The following LRRC38 variants were observed in gnomAD, a reference collection of about 807,000 sequenced individuals.
LRRC38 encodes the protein leucine-rich repeat-containing protein 38.
Under a neutral mutation model 16.4 loss-of-function variants are expected in LRRC38, and 5 were observed. That is an observed-to-expected ratio of 0.31 (90% CI 0.16 to 0.64). The LOEUF (loss-of-function observed/expected upper bound fraction) is 0.64, where lower values mean the gene tolerates loss of function less well. Ranked by LOEUF, LRRC38 falls within the 30% of genes least tolerant of loss-of-function variation. The pLI is 0.80. For synonymous variants in LRRC38, 191 were observed against 190.2 expected (o/e 1.00, Z -0.04); for missense variants, 341 against 401.8 (o/e 0.85, Z 1.29).
At chr1:13,482,579 C>G (rs574109666) in intron 1 of LRRC38, among the ~76,000 whole-genome samples, 2 of 108,152 alleles carry the variant, frequency 1.8e-5, no homozygotes, top group Non-Finnish European at 3.7e-5. Flanking sequence ...GACTCCATCT[C>G]GGAAAAAAAA....
intron 1 of LRRC38, among the ~76,000 whole-genome samples, chr1:13,493,292 G>A (rs1040557640): frequency 1.3e-5 from 2 of 152,104 alleles, no homozygotes; most frequent in Non-Finnish European, 2.9e-5. Context: ...CTGTCACCAG[G>A]GCCAGGGTTG....
chr1:13,508,769 G>A (rs368378038), intron 1 of LRRC38, among the ~76,000 whole-genome samples: 1 of 152,134 alleles, frequency 6.6e-6, no homozygotes. Context: ...TCAGGCAAGC[G>A]CCGGGTTTGT....
At chr1:13,481,762 C>CTCTCT (rs1557431814) in intron 1 of LRRC38, among the ~76,000 whole-genome samples, 1 of 50,810 alleles carries the variant, frequency 2.0e-5, no homozygotes. Flanking sequence ...ACTTTCTTTC[C>CTCTCT]CTCTCTCTCC....
At chr1:13,509,394 T>C (rs1639249723) in intron 1 of LRRC38, among the ~76,000 whole-genome samples, 1 of 152,016 alleles carries the variant, frequency 6.6e-6, no homozygotes, top group Non-Finnish European at 1.5e-5. Context: ...TGTCAGATGC[T>C]CTGTGCCCCT....
Position 13,513,053 on chromosome 1 carries a change from G to C in LRRC38, c.541C>G (p.Leu181Val). 6.5e-7 allele frequency: 1 copy of C among 1,550,166 alleles called. No homozygotes were observed. The highest frequency in any genetic ancestry group is 1.2e-5 in the South Asian group (1 of 84,006). Residue 181 changes from leucine to valine, a missense_variant, in exon 1 of 2, where the codon CTG (leucine) becomes GTG (valine). Transcript: ENST00000376085. ...AGCCAGGGGTTCCCGTCCAGACGCA[G>C]GGAGCGCAGCGCGGGCAGCGCGGCC... Reference protein sequence around the residue: ...ALAALPALRSLRLDGNPWLCD... With the variant: ...ALAALPALRSVRLDGNPWLCD...
Position 13,487,727 on chromosome 1 carries a change from C to A in LRRC38, c.632-11628G>T, listed in dbSNP as rs892692283. 2.0e-5 allele frequency among the ~76,000 whole-genome samples: 3 copies of A among 152,164 alleles called. No individual in the cohort carries two copies. Among genetic ancestry groups the A allele is most frequent in the Admixed American group, 1.3e-4 (2 of 15,266 alleles). On this transcript the variant is annotated intron_variant, in intron 1 of 1. Coordinates refer to ENST00000376085, the MANE Select transcript of LRRC38 (RefSeq NM_001010847.2). This position sits in a 1 kb window ranked among gnomAD's most constrained non-coding sequence, Gnocchi z 4.4. ...GCCATTCTCCAGAAATAGACAGTGA[C>A]ACAGCGGATGTTAGATTGAGATTAA...
At chr1:13,512,574 C>G (rs939007949) in intron 1 of LRRC38, among the ~76,000 whole-genome samples, 1 of 152,070 alleles carries the variant, frequency 6.6e-6, no homozygotes, top group African/African-American at 2.4e-5. Flanking sequence ...ACTCCCCGTG[C>G]ACGGTACTGA....
chr1:13,478,581 T>A (rs189297645), intron 1 of LRRC38, among the ~76,000 whole-genome samples: 12 of 152,314 alleles, frequency 7.9e-5, no homozygotes, highest in Admixed American at 7.8e-4. Context: ...TTCCTTCAAC[T>A]CTCAGGAAAA....
At chr1:13,499,012 G>A (rs1251525704) in intron 1 of LRRC38, among the ~76,000 whole-genome samples, 1 of 152,138 alleles carries the variant, frequency 6.6e-6, no homozygotes, top group Non-Finnish European at 1.5e-5. Context: ...CCCGGTGTGC[G>A]TGTCTGTCCA....
intron 1 of LRRC38, among the ~76,000 whole-genome samples, chr1:13,485,547 G>A (rs532365523): frequency 2.6e-5 from 4 of 151,850 alleles, no homozygotes; most frequent in East Asian, 1.9e-4. Flanking sequence ...CAGCCTGGGC[G>A]AGAGCGAGAC....
At chr1:13,478,705 G>A (rs1040390517) in intron 1 of LRRC38, among the ~76,000 whole-genome samples, 1 of 152,136 alleles carries the variant, frequency 6.6e-6, no homozygotes, top group African/African-American at 2.4e-5. Context: ...TAATTAGCAG[G>A]CTTCTGTCCT....
chr1:13,499,349 C>T (rs1639120305), intron 1 of LRRC38, among the ~76,000 whole-genome samples: 1 of 152,152 alleles, frequency 6.6e-6, no homozygotes, highest in African/African-American at 2.4e-5. Context: ...TCCACCCGCC[C>T]CGGCCTCCCA....
intron 1 of LRRC38, among the ~76,000 whole-genome samples, chr1:13,503,662 C>G (rs982565907): frequency 1.7e-4 from 26 of 152,206 alleles, no homozygotes; most frequent in Non-Finnish European, 3.7e-4. Flanking sequence ...CATCTGGGGT[C>G]TCATTCCTGC....
Position 13,475,553 on chromosome 1 carries a change from A to T in LRRC38, c.*293T>A. ...TTCCTGGGGGAGGCTTTTAGTCATC[A>T]GCTATGAAGCCTGACTCGGTCATCT... On this transcript the variant is annotated 3_prime_UTR_variant, in exon 2 of 2. Coordinates refer to ENST00000376085, the MANE Select transcript of LRRC38 (RefSeq NM_001010847.2). This position sits in a 1 kb window ranked among gnomAD's most constrained non-coding sequence, Gnocchi z 4.3. The T allele has an allele frequency of 5.8e-6, 2 of 344,894 alleles. No homozygotes were observed. Among genetic ancestry groups the T allele is most frequent in the Non-Finnish European group, 1.1e-5 (2 of 185,862 alleles). The allele number at this position is 344,894 out of a possible 1,614,324, so 21.4% of individuals were successfully genotyped here.
chr1:13,509,612 G>A (rs946147063), intron 1 of LRRC38, among the ~76,000 whole-genome samples: 3 of 152,170 alleles, frequency 2.0e-5, no homozygotes, highest in Non-Finnish European at 4.4e-5. Context: ...CTAATGCCCA[G>A]AGACTACAGC....
intron 1 of LRRC38, among the ~76,000 whole-genome samples, chr1:13,479,395 C>T (rs917001718): frequency 6.6e-6 from 1 of 152,144 alleles, no homozygotes; most frequent in Non-Finnish European, 1.5e-5. Flanking sequence ...CTTCAGGAAG[C>T]GGTATCAACC....
chr1:13,485,316 G>A (rs1638918456), intron 1 of LRRC38, among the ~76,000 whole-genome samples: 1 of 146,748 alleles, frequency 6.8e-6, no homozygotes, highest in African/African-American at 2.6e-5. Flanking sequence ...AGTGGCTCAC[G>A]CCTGTAATCC....
chr1:13,478,598 C>T (rs1638814362), intron 1 of LRRC38, among the ~76,000 whole-genome samples: 1 of 152,216 alleles, frequency 6.6e-6, no homozygotes, highest in Non-Finnish European at 1.5e-5. Context: ...AAAACCTTCA[C>T]CTCCTCTCTT....
rs164950 is a variant in LRRC38, at chr1:13,493,754, C to T, written c.632-17655G>A. On this transcript the variant is annotated intron_variant, in intron 1 of 1. Coordinates refer to ENST00000376085, the MANE Select transcript of LRRC38 (RefSeq NM_001010847.2). ...TGGAAAGGCAAAAGGACACAGATGT[C>T]GTGATTTTAGCCTCTAAGACACACT... is the stretch of plus-strand genomic sequence containing the variant. 4.6e-3 allele frequency among the ~76,000 whole-genome samples: 698 copies of T among 152,184 alleles called. 2 individuals are homozygous for T. Among genetic ancestry groups the T allele is most frequent in the Middle Eastern group, 0.037 (11 of 294 alleles).
Sources: gnomAD v4.1 joint callset for allele counts (sites outside exome capture counted in the v4.1 genomes callset) on GRCh38, gnomAD v4.1.1 for gene constraint, Gnocchi (gnomAD v3.1) non-coding constraint, MANE v1.5 for transcripts, NCBI Gene and HGNC (gene_info 2026-07-23, HGNC 2026-07-21) for gene names.